The following ABCC1 variants were observed in gnomAD, a reference collection of about 807,000 sequenced individuals.
ABCC1 encodes multidrug resistance-associated protein 1.
In ABCC1, 83 loss-of-function variants were observed where a neutral mutation model predicts 172.9. The ratio of observed to expected loss-of-function variants is 0.48; its 90% CI spans 0.40 to 0.58. ABCC1 has a LOEUF of 0.58. Among genes scored for constraint, ABCC1 ranks in the 20% least tolerant of loss-of-function variants. The pLI is 0.00. For synonymous variants in ABCC1, 937 were observed against 825.2 expected (o/e 1.14, Z -2.32); for missense variants, 1,817 against 2,002.7 (o/e 0.91, Z 1.77).
At chr16:16,089,770 G>A (rs552886428) in intron 18 of ABCC1, among the ~76,000 whole-genome samples, 31 of 147,928 alleles carry the variant, frequency 2.1e-4, no homozygotes, top group Non-Finnish European at 3.3e-4. Flanking sequence ...CCAGCTACGC[G>A]GGAGGGAGGC....
intron 1 of ABCC1, among the ~76,000 whole-genome samples, chr16:15,974,949 G>C (rs868720792): frequency 1.3e-5 from 2 of 152,074 alleles, no homozygotes; most frequent in African/African-American, 2.4e-5. Flanking sequence ...ACCATGCCCA[G>C]CTAATTTTTG....
intron 26 of ABCC1, among the ~76,000 whole-genome samples, chr16:16,129,692 C>G (rs1160327369): frequency 6.6e-6 from 1 of 151,982 alleles, no homozygotes. Context: ...CTCCCACCAT[C>G]AGGCCCAGCT....
intron 5 of ABCC1, among the ~76,000 whole-genome samples, chr16:16,030,573 G>A (rs1019225927): frequency 1.3e-4 from 19 of 151,980 alleles, no homozygotes; most frequent in African/African-American, 4.6e-4. Context: ...TCAGCCTGTT[G>A]TACTTATTCT....
At chr16:15,949,571 G>A (rs2045807849), upstream of ABCC1, 2 of 173,670 alleles carry the variant, frequency 1.2e-5, no homozygotes, top group South Asian at 3.4e-4. Context: ...GTGACGCGCG[G>A]GCCAACCAGG....
intron 21 of ABCC1, among the ~76,000 whole-genome samples, chr16:16,108,742 T>A (rs2052256747): frequency 6.6e-6 from 1 of 151,938 alleles, no homozygotes; most frequent in African/African-American, 2.4e-5. Flanking sequence ...ACTACATGTG[T>A]GCACCCCCAC....
intron 2 of ABCC1, 144 bp downstream of exon 2, chr16:16,008,136 G>C (rs2151725925): frequency 1.1e-6 from 1 of 872,126 alleles, no homozygotes; most frequent in South Asian, 1.9e-5. Flanking sequence ...TGTGGGAGGT[G>C]AAAACTGGAG....
chr16:16,057,628 G>A (rs11866350), intron 12 of ABCC1, among the ~76,000 whole-genome samples: 3,127 of 152,060 alleles, frequency 0.021, 114 homozygotes, highest in African/African-American at 0.07. Context: ...TTTCGTGTAC[G>A]CTTTTAGAGA....
At chr16:16,070,718 T>A (rs985287124) in intron 13 of ABCC1, among the ~76,000 whole-genome samples, 8 of 152,158 alleles carry the variant, frequency 5.3e-5, no homozygotes, top group Admixed American at 2.6e-4. Flanking sequence ...TATCTCATTC[T>A]TTTTCAGTAT....
At chr16:16,038,139 G>C (rs1041071723) in intron 7 of ABCC1, among the ~76,000 whole-genome samples, 1 of 152,038 alleles carries the variant, frequency 6.6e-6, no homozygotes, top group South Asian at 2.1e-4. Context: ...ATGTATACAT[G>C]GTAGGTAGAT....
chr16:16,032,915 G>T (rs947310020), intron 5 of ABCC1, among the ~76,000 whole-genome samples, 194 bp from the exon 6 acceptor site: 1 of 152,188 alleles, frequency 6.6e-6, no homozygotes, highest in African/African-American at 2.4e-5. Context: ...GATTGAAACT[G>T]GAAGAGCTGC....
chr16:16,046,742 A>G (rs1276159804), intron 9 of ABCC1, among the ~76,000 whole-genome samples: 1 of 151,394 alleles, frequency 6.6e-6, no homozygotes, highest in Non-Finnish European at 1.5e-5. Flanking sequence ...AAAGGACCTA[A>G]ATTACCTTCT....
At chr16:16,101,502 C>T (rs983305116) in intron 19 of ABCC1, among the ~76,000 whole-genome samples, 6 of 152,122 alleles carry the variant, frequency 3.9e-5, no homozygotes, top group African/African-American at 1.4e-4. Flanking sequence ...CATTTTTGAG[C>T]TCTGCTTTTA....
At chr16:16,116,935 A>G (rs1315203518) in intron 23 of ABCC1, among the ~76,000 whole-genome samples, 1 of 152,114 alleles carries the variant, frequency 6.6e-6, no homozygotes, top group East Asian at 1.9e-4. Flanking sequence ...CTGATAACCG[A>G]TATGGCTATT....
chr16:16,097,791 G>A (rs1319885756), intron 19 of ABCC1, among the ~76,000 whole-genome samples: 1 of 152,210 alleles, frequency 6.6e-6, no homozygotes, highest in Non-Finnish European at 1.5e-5. Flanking sequence ...GTGCCACAAG[G>A]CCACCTGGTA....
In ABCC1 at chr16:16,053,658, G is replaced by A. The variant is rs114434338; in HGVS notation, c.1473+842G>A. Among the ~76,000 whole-genome samples the A allele has an allele frequency of 5.0e-3, 756 of 151,256 alleles. 12 individuals carry two copies. Among genetic ancestry groups the A allele is most frequent in the African/African-American group, 0.017 (709 of 41,262 alleles). The stretch of plus-strand genomic sequence containing the variant: ...AAAAGTTAGCTGCATGTGGTGATGC[G>A]TGCCTGTAGTCCCAGCTACTTGGGA... On this transcript the variant is annotated intron_variant, in intron 11 of 30. Coordinates refer to ENST00000399410, the MANE Select transcript of ABCC1 (RefSeq NM_004996.4).
intron 22 of ABCC1, 65 bp from the exon 23 acceptor site, chr16:16,114,701 C>T (rs878923049): frequency 1.3e-5 from 19 of 1,482,180 alleles, no homozygotes; most frequent in Non-Finnish European, 1.6e-5. Flanking sequence ...CATGGCCACT[C>T]CTCCCTGCAG....
intron 25 of ABCC1, 113 bp from the exon 26 acceptor site, chr16:16,125,697 T>A (rs2045400387): frequency 8.2e-6 from 6 of 731,918 alleles, no homozygotes; most frequent in Non-Finnish European, 1.3e-5. Flanking sequence ...CCTCCCATAA[T>A]TCATACTTGT....
intron 21 of ABCC1, among the ~76,000 whole-genome samples, chr16:16,108,273 C>CTTTTTTTTTTTTTTT: frequency 9.4e-6 from 1 of 106,314 alleles, no homozygotes; most frequent in Non-Finnish European, 1.9e-5. Context: ...TTCTTTGTGT[C>CTTTTTTTTTTTTTTT]TTTTTTTTTT....
chr16:16,033,307 T>C (rs1406075235), intron 6 of ABCC1, 137 bp downstream of exon 6: 9 of 824,324 alleles, frequency 1.1e-5, no homozygotes, highest in Non-Finnish European at 1.4e-5. Flanking sequence ...TGAATCTGCC[T>C]GTGCTGGCCA....
Sources: allele counts gnomAD v4.1 joint callset (sites outside exome capture counted in the v4.1 genomes callset), GRCh38; gene constraint gnomAD v4.1.1; transcripts MANE v1.5; gene names NCBI Gene and HGNC (gene_info 2026-07-23, HGNC 2026-07-21).